EPHA5: variants seen among roughly 807,000 people sequenced by gnomAD.
EPHA5 encodes the protein EPH receptor A5.
A neutral mutation model predicts 105.0 loss-of-function variants in EPHA5; 60 were observed. The ratio of observed to expected loss-of-function variants is 0.57; its 90% CI spans 0.46 to 0.71. The LOEUF (loss-of-function observed/expected upper bound fraction) is 0.71, where lower values mean the gene tolerates loss of function less well. EPHA5 is among the 30% of genes least tolerant of loss of function. EPHA5 has a pLI of 0.00. For synonymous variants in EPHA5, 513 were observed against 449.1 expected (o/e 1.14, Z -1.80); for missense variants, 1,218 against 1,274.7 (o/e 0.96, Z 0.68).
At chr4:65,409,390 G>GA (rs751964883) in intron 7 of EPHA5, among the ~76,000 whole-genome samples, 4 of 134,676 alleles carry the variant, frequency 3.0e-5, no homozygotes, top group South Asian at 2.5e-4. Context: ...TTGTAAGCCG[G>GA]AAAAAAGGTA....
chr4:65,582,474 G>GA (rs35859138), intron 3 of EPHA5, among the ~76,000 whole-genome samples: 2,969 of 139,442 alleles, frequency 0.021, 49 homozygotes, highest in African/African-American at 0.048. Flanking sequence ...TAGCAATTGG[G>GA]AAAAAAAAAA....
chr4:65,451,051 A>G lies in EPHA5; in HGVS notation c.1403-30486T>C, dbSNP rs545406664. 3.3e-5 allele frequency among the ~76,000 whole-genome samples: 5 copies of G among 152,246 alleles called. No homozygotes were observed. In the East Asian group the frequency reaches 5.8e-4, roughly 18 times the overall value. The stretch of plus-strand genomic sequence containing the variant: ...ATTCTTCAATACAGACCTTCTAATG[A>G]TACTTCAAAGATTTACAAGCACCCT... On this transcript the variant is annotated intron_variant, in intron 5 of 16. Transcript: ENST00000613740.
chr4:65,660,456 G>A (rs535710963), intron 1 of EPHA5, among the ~76,000 whole-genome samples: 1 of 152,080 alleles, frequency 6.6e-6, no homozygotes, highest in Non-Finnish European at 1.5e-5. Flanking sequence ...GGAAGATGAC[G>A]ATCTGTGAGT....
chr4:65,624,221 G>C (rs1255484770), intron 2 of EPHA5, among the ~76,000 whole-genome samples: 1 of 152,086 alleles, frequency 6.6e-6, no homozygotes, highest in Non-Finnish European at 1.5e-5. Context: ...TTATGCTTCA[G>C]AGAATGTTAG....
intron 5 of EPHA5, among the ~76,000 whole-genome samples, chr4:65,454,971 C>T (rs979480910): frequency 9.9e-5 from 15 of 152,044 alleles, no homozygotes; most frequent in African/African-American, 2.7e-4. Flanking sequence ...TTCTGCTTGG[C>T]ACGGTGGCTC....
chr4:65,416,992 C>T (rs1413196625), intron 6 of EPHA5, among the ~76,000 whole-genome samples: 2 of 152,202 alleles, frequency 1.3e-5, no homozygotes, highest in African/African-American at 2.4e-5. Flanking sequence ...CTTTTCCTGC[C>T]TTCGTGCCCC....
intron 2 of EPHA5, among the ~76,000 whole-genome samples, chr4:65,614,989 C>T (rs1354628139): frequency 1.3e-5 from 2 of 151,394 alleles, no homozygotes; most frequent in Non-Finnish European, 3.0e-5. Flanking sequence ...ATGGAGTTTA[C>T]AAGTATATAA....
chr4:65,647,520 G>A (rs191161392), intron 1 of EPHA5, among the ~76,000 whole-genome samples: 11 of 151,948 alleles, frequency 7.2e-5, no homozygotes, highest in East Asian at 5.8e-4. Flanking sequence ...TATGCTTGTC[G>A]TAAATTGCAA....
At chr4:65,450,557 T>C (rs1726967744) in intron 5 of EPHA5, among the ~76,000 whole-genome samples, 1 of 152,174 alleles carries the variant, frequency 6.6e-6, no homozygotes, top group African/African-American at 2.4e-5. Context: ...TTCCAAAGCA[T>C]AATGGCAAAT....
intron 5 of EPHA5, among the ~76,000 whole-genome samples, chr4:65,445,959 G>A (rs1423808613): frequency 1.3e-5 from 2 of 152,114 alleles, no homozygotes; most frequent in Non-Finnish European, 2.9e-5. Context: ...TGTCACCAGT[G>A]TCATCTGGGC....
At chr4:65,658,375 A>G (rs1259563196) in intron 1 of EPHA5, among the ~76,000 whole-genome samples, 3 of 152,028 alleles carry the variant, frequency 2.0e-5, no homozygotes, top group Non-Finnish European at 4.4e-5. Context: ...AGGGCACTGG[A>G]GGACTATTGA....
rs760737345 is a variant in EPHA5, at chr4:65,403,566, A to C, written c.1793+808T>G. Among the ~76,000 whole-genome samples, 59 of 150,862 alleles carry C rather than the reference A, an allele frequency of 3.9e-4. 1 individual carries two copies. Among genetic ancestry groups the C allele is most frequent in the South Asian group, 8.3e-4 (4 of 4,818 alleles). ...CGTGAAACTATGTTTATTGTAGGAA[A>C]ACAGCATACTCTTGTTTTATATAGT... On this transcript the variant is annotated intron_variant, in intron 8 of 16. Coordinates refer to ENST00000613740, the MANE Select transcript of EPHA5 (RefSeq NM_001281766.3).
chr4:65,476,914 C>T (rs1729875695), intron 5 of EPHA5, among the ~76,000 whole-genome samples: 1 of 151,808 alleles, frequency 6.6e-6, no homozygotes, highest in Non-Finnish European at 1.5e-5. Flanking sequence ...GCATAAACAA[C>T]AAAAAATTGA....
At chr4:65,554,412 T>G (rs1738209376) in intron 3 of EPHA5, among the ~76,000 whole-genome samples, 1 of 151,324 alleles carries the variant, frequency 6.6e-6, no homozygotes, top group African/African-American at 2.4e-5. Flanking sequence ...AAATAATGAT[T>G]ATTTATCAAG....
chr4:65,501,223 T>G (rs1732457244), intron 3 of EPHA5, among the ~76,000 whole-genome samples: 1 of 151,394 alleles, frequency 6.6e-6, no homozygotes, highest in Non-Finnish European at 1.5e-5. Context: ...TTAACAGCAT[T>G]TTATCTTCAT....
intron 2 of EPHA5, among the ~76,000 whole-genome samples, chr4:65,618,787 T>C (rs544886545): frequency 8.1e-4 from 124 of 152,328 alleles, no homozygotes; most frequent in African/African-American, 2.8e-3. Context: ...TTCATAACTA[T>C]AGAGAGCCAA....
At chr4:65,440,770 AAGG>A (rs1725938735) in intron 5 of EPHA5, among the ~76,000 whole-genome samples, 1 of 151,988 alleles carries the variant, frequency 6.6e-6, no homozygotes, top group South Asian at 2.1e-4. Context: ...AAAGGGAGAG[AAGG>A]AGAAGAAAAA....
intron 5 of EPHA5, among the ~76,000 whole-genome samples, chr4:65,489,386 G>A (rs11724363): frequency 0.36 from 54,466 of 151,918 alleles, 10,157 homozygotes; most frequent in East Asian, 0.53. Context: ...AGTCAAACAT[G>A]TCCTATTTCT....
At chr4:65,550,514 A>G (rs190180580) in intron 3 of EPHA5, among the ~76,000 whole-genome samples, 97 of 152,188 alleles carry the variant, frequency 6.4e-4, no homozygotes, top group African/African-American at 2.2e-3. Context: ...TGCCACTCAT[A>G]TCCAGTAGCT....
Sources: allele counts gnomAD v4.1 joint callset (sites outside exome capture counted in the v4.1 genomes callset), GRCh38; gene constraint gnomAD v4.1.1; transcripts MANE v1.5; gene names NCBI Gene and HGNC (gene_info 2026-07-23, HGNC 2026-07-21).